The following OPCML variants were observed in gnomAD, a reference collection of about 807,000 sequenced individuals.
OPCML encodes opioid-binding protein/cell adhesion molecule.
In OPCML, 13 loss-of-function variants were observed where a neutral mutation model predicts 37.8. The observed-to-expected ratio is 0.34, with a 90% confidence interval of 0.22 to 0.55. OPCML has a LOEUF of 0.55. Ranked by LOEUF, OPCML falls within the 20% of genes least tolerant of loss-of-function variation. The pLI is 0.91. For synonymous variants in OPCML, 176 were observed against 168.8 expected, an observed-to-expected ratio of 1.04 and a Z score of -0.33; for missense variants, 341 against 435.6, an observed-to-expected ratio of 0.78 and a Z score of 1.93.
In OPCML at chr11:133,346,638, C is replaced by G. The variant is rs1944008944; in HGVS notation, c.61+185626G>C. Among the ~76,000 whole-genome samples, 2 of 152,136 alleles carry G rather than the reference C, an allele frequency of 1.3e-5. 1 individual carries two copies. Among genetic ancestry groups the G allele is most frequent in the South Asian group, 4.1e-4 (2 of 4,828 alleles). On this transcript the variant is annotated intron_variant, in intron 1 of 7. Transcript: ENST00000524381. Reference sequence around the variant, plus strand: ...GATTAGACAGGCACTTGAAGCATATCCATTTTCAAGTAAGCTTTAAAGAAA... The same window carrying G: ...GATTAGACAGGCACTTGAAGCATATGCATTTTCAAGTAAGCTTTAAAGAAA...
intron 1 of OPCML, among the ~76,000 whole-genome samples, chr11:133,204,941 T>C (rs1420764866): frequency 6.8e-6 from 1 of 147,280 alleles, no homozygotes; most frequent in Non-Finnish European, 1.5e-5. Context: ...CTTTGTCCTC[T>C]TTCTTGGAAC....
At chr11:133,306,353 A>C (rs2136579514) in intron 1 of OPCML, among the ~76,000 whole-genome samples, 1 of 152,348 alleles carries the variant, frequency 6.6e-6, no homozygotes, top group Admixed American at 6.5e-5. Context: ...AATGCAAAAT[A>C]TCAAACAATG....
At chr11:133,083,967 T>C (rs773678915) in intron 1 of OPCML, among the ~76,000 whole-genome samples, 2 of 152,202 alleles carry the variant, frequency 1.3e-5, no homozygotes, top group Non-Finnish European at 2.9e-5. Context: ...TTGTCTGGAA[T>C]TGTTATTTCA....
chr11:132,942,085 T>C (rs1414091408), intron 2 of OPCML, among the ~76,000 whole-genome samples: 1 of 152,184 alleles, frequency 6.6e-6, no homozygotes, highest in Non-Finnish European at 1.5e-5. Flanking sequence ...ATCTGTCTCC[T>C]AGGACCAGAA....
rs1421277913 is a variant in OPCML, at chr11:133,388,064, G to A, written c.61+144200C>T. 2.0e-5 allele frequency among the ~76,000 whole-genome samples: 3 copies of A among 152,076 alleles called. 1 individual carries two copies. The highest frequency in any genetic ancestry group is 2.9e-5 in the Non-Finnish European group (2 of 68,012). On this transcript the variant is annotated intron_variant, in intron 1 of 7. Coordinates refer to ENST00000524381, the MANE Select transcript of OPCML (RefSeq NM_001012393.5). ...TTGAGTCTGCCCATGGGTTTTATTC[G>A]GAGTCTTAAGGGAAGCTCTAAAGCA... is the stretch of plus-strand genomic sequence containing the variant.
intron 1 of OPCML, among the ~76,000 whole-genome samples, chr11:133,093,812 A>C (rs1273370385): frequency 1.3e-5 from 2 of 152,016 alleles, no homozygotes; most frequent in African/African-American, 4.8e-5. Flanking sequence ...AGAGTAATGC[A>C]GTGGGAAAAG....
intron 1 of OPCML, among the ~76,000 whole-genome samples, chr11:133,498,303 C>A (rs1424320866): frequency 6.6e-6 from 1 of 152,160 alleles, no homozygotes; most frequent in Non-Finnish European, 1.5e-5. Context: ...TGAAATTCTA[C>A]CTTTGCTGGG....
intron 1 of OPCML, among the ~76,000 whole-genome samples, chr11:133,397,199 C>T (rs1250349734): frequency 6.6e-6 from 1 of 152,134 alleles, no homozygotes; most frequent in African/African-American, 2.4e-5. Context: ...GCAGTCTTCC[C>T]CAGTTGGGCT....
chr11:133,040,122 A>T (rs148428211), intron 1 of OPCML, among the ~76,000 whole-genome samples: 172 of 152,074 alleles, frequency 1.1e-3, no homozygotes, highest in African/African-American at 3.7e-3. Context: ...AATTAATGAC[A>T]TCCTCACGTC....
chr11:133,247,375 G>T (rs1940963209), intron 1 of OPCML, among the ~76,000 whole-genome samples: 1 of 152,096 alleles, frequency 6.6e-6, no homozygotes, highest in South Asian at 2.1e-4. Flanking sequence ...AGGAACTAGG[G>T]TTAAAATATT....
chr11:132,499,395 G>A (rs941244122), intron 4 of OPCML, among the ~76,000 whole-genome samples: 3 of 152,158 alleles, frequency 2.0e-5, no homozygotes, highest in Non-Finnish European at 4.4e-5. Flanking sequence ...AGCTGGAGGG[G>A]TCTTGCCTCA....
chr11:132,483,613 G>A (rs1224468885), intron 4 of OPCML, among the ~76,000 whole-genome samples: 59 of 152,170 alleles, frequency 3.9e-4, no homozygotes, highest in Admixed American at 1.7e-3. Flanking sequence ...CGCCAAGTCA[G>A]TCCTAAGCCA....
At chr11:133,404,774 G>A (rs1945490894) in intron 1 of OPCML, among the ~76,000 whole-genome samples, 1 of 152,112 alleles carries the variant, frequency 6.6e-6, no homozygotes, top group African/African-American at 2.4e-5. Flanking sequence ...AGATACCAGA[G>A]GCAGTACTAA....
intron 1 of OPCML, chr11:133,361,719 G>GCGCCC (rs1448597081): frequency 6.4e-6 from 1 of 155,416 alleles, no homozygotes; most frequent in Non-Finnish European, 1.4e-5. Context: ...GAGCCACGCC[G>GCGCCC]CGCCCCGCTC....
At chr11:133,483,492 GGATA>G (rs1216788452) in intron 1 of OPCML, among the ~76,000 whole-genome samples, 31 of 151,648 alleles carry the variant, frequency 2.0e-4, no homozygotes, top group African/African-American at 5.3e-4. Context: ...ATTTATAGAT[GGATA>G]GATAGATGAT....
At chr11:133,113,105 C>G (rs905614590) in intron 1 of OPCML, among the ~76,000 whole-genome samples, 3 of 152,184 alleles carry the variant, frequency 2.0e-5, no homozygotes, top group South Asian at 4.1e-4. Flanking sequence ...AGCCTGGTGA[C>G]AGTGCTGGGT....
chr11:132,577,404 T>C (rs760089090), intron 3 of OPCML, among the ~76,000 whole-genome samples: 1 of 152,154 alleles, frequency 6.6e-6, no homozygotes, highest in Non-Finnish European at 1.5e-5. Flanking sequence ...AAATAAGACT[T>C]CAAAAATTGT....
At chr11:132,804,490 T>C (rs1258686645) in intron 2 of OPCML, among the ~76,000 whole-genome samples, 2 of 152,120 alleles carry the variant, frequency 1.3e-5, no homozygotes, top group Non-Finnish European at 2.9e-5. Context: ...AGCTGCTATG[T>C]AATTAAAAGC....
intron 4 of OPCML, among the ~76,000 whole-genome samples, chr11:132,445,339 C>T (rs1182907322): frequency 2.0e-5 from 3 of 152,124 alleles, no homozygotes; most frequent in African/African-American, 4.8e-5. Flanking sequence ...ACTGTCAGAC[C>T]GGGAGTAGCC....
Sources: allele counts gnomAD v4.1 joint callset (sites outside exome capture counted in the v4.1 genomes callset), GRCh38; gene constraint gnomAD v4.1.1; transcripts MANE v1.5; gene names NCBI Gene and HGNC (gene_info 2026-07-23, HGNC 2026-07-21).